Variants in PITPNM3 observed in about 807,000 individuals in gnomAD.
PITPNM3 encodes PITPNM family member 3.
Under a neutral mutation model 102.0 loss-of-function variants are expected in PITPNM3, and 26 were observed. The observed-to-expected ratio is 0.25, with a 90% CI of 0.19 to 0.35. The LOEUF (loss-of-function observed/expected upper bound fraction) is 0.35, where lower values mean the gene tolerates loss of function less well. Among genes scored for constraint, PITPNM3 ranks in the 10% least tolerant of loss-of-function variants. The pLI, the probability that PITPNM3 is intolerant of heterozygous loss-of-function variation, is 1.00. For synonymous variants in PITPNM3, 578 were observed against 558.6 expected, an observed-to-expected ratio of 1.03 and a Z score of -0.49; for missense variants, 1,083 against 1,346.1, an observed-to-expected ratio of 0.80 and a Z score of 3.06.
rs765391358 is a variant in PITPNM3 at position 6,483,710 on chromosome 17, G to T, written c.394C>A (p.Leu132Met). The change falls in exon 6 of 20, where the codon CTG (leucine) becomes ATG (methionine). Residue 132 changes from leucine (L) to methionine (M), a missense_variant. Leu to Met is a conservative substitution (Grantham distance 15). Around this residue, in one of 5 missense-constraint regions of PITPNM3, gnomAD observed 290 missense variants for 337.8 expected, o/e 0.86. Transcript: ENST00000262483. ...AGGATGTTTCCCCCATGCAGGACCA[G>T]CAGGAGGACATGTGTCTTGCAGGAG... ...QRSCKTHVLL[L>M]VLHGGNILDT... 83 of 1,614,026 alleles carry T rather than the reference G, an allele frequency of 5.1e-5. 2 individuals carry two copies. In the South Asian group the frequency reaches 6.0e-4, roughly 12 times the overall value.
At chr17:6,503,478 C>T (rs1428667541) in intron 4 of PITPNM3, 49 bp downstream of exon 4, 1 of 1,591,552 alleles carries the variant, frequency 6.3e-7, no homozygotes, top group Non-Finnish European at 8.6e-7. Flanking sequence ...AATGAGCTTG[C>T]ACCCATCCAA....
intron 3 of PITPNM3, among the ~76,000 whole-genome samples, chr17:6,514,948 G>A (rs1356902765): frequency 2.6e-5 from 4 of 152,136 alleles, no homozygotes; most frequent in Non-Finnish European, 2.9e-5. Context: ...ATGCTACAAC[G>A]TGGATGAATC....
At chr17:6,487,935 G>T (rs150537119) in intron 4 of PITPNM3, among the ~76,000 whole-genome samples, 1 of 152,278 alleles carries the variant, frequency 6.6e-6, no homozygotes, top group East Asian at 1.9e-4. Context: ...CACCTCCTAC[G>T]CTGTTTGGGG....
rs1299001699 is a variant in PITPNM3 at position 6,464,781 on chromosome 17, C to T, written c.1891-10G>A. On this transcript the variant is annotated splice_polypyrimidine_tract_variant and intron_variant, in intron 14 of 19. Transcript: ENST00000262483. ...GATTAGCCGTGACATTCTGGAAGGA[C>T]AGAAAGAAGCTGGCTCAGCCCTTGC... is the stretch of plus-strand genomic sequence containing the variant. 2 of 1,613,920 alleles carry T rather than the reference C, an allele frequency of 1.2e-6. No homozygotes were observed. The highest frequency in any genetic ancestry group is 1.7e-6 in the Non-Finnish European group (2 of 1,179,816).
chr17:6,479,027 C>G (rs1905501431), intron 6 of PITPNM3: 1 of 425,114 alleles, frequency 2.4e-6, no homozygotes, highest in South Asian at 4.1e-5. Context: ...CTGCATGGCC[C>G]CAAAGGGCAC....
At chr17:6,543,521 A>ACGCC (rs1212012065) in intron 1 of PITPNM3, among the ~76,000 whole-genome samples, 10 of 152,354 alleles carry the variant, frequency 6.6e-5, no homozygotes, top group African/African-American at 2.4e-4. Context: ...ACAGTGAGGA[A>ACGCC]CGCCCTGACC....
At chr17:6,477,930 C>A in intron 8 of PITPNM3, 45 bp downstream of exon 8, 1 of 1,606,522 alleles carries the variant, frequency 6.2e-7, no homozygotes, top group East Asian at 2.2e-5. Context: ...GCAGGCCCTG[C>A]TCCTATGGGC....
Position 6,472,716 on chromosome 17 carries a change from G to C in PITPNM3, c.1370C>G (p.Pro457Arg). The change falls in exon 11 of 20, where the codon CCT becomes CGT. Residue 457 changes from proline (P) to arginine (R), a missense_variant. Pro to Arg is a moderately radical substitution (Grantham distance 103, BLOSUM62 -2). Transcript: ENST00000262483. The surrounding 1 kb of genome is among the most constrained non-coding windows in gnomAD (Gnocchi z 4.1). The stretch of plus-strand genomic sequence containing the variant: ...CCTCTGGTAGCGAGGCACGCTGACA[G>C]GCGGCACCAGGTGGAACTTGGGCTC... ...LLEPKFHLVP[P>R]VSVPRYQRFP... 6.2e-7 allele frequency: 1 copy of C among 1,614,098 alleles called. No homozygotes were observed. Among genetic ancestry groups the C allele is most frequent in the Non-Finnish European group, 8.5e-7 (1 of 1,179,992 alleles).
intron 3 of PITPNM3, among the ~76,000 whole-genome samples, chr17:6,523,615 A>G (rs1908662138): frequency 6.6e-6 from 1 of 152,210 alleles, no homozygotes; most frequent in Non-Finnish European, 1.5e-5. Context: ...AATGGATGGT[A>G]CAAATCCATA....
chr17:6,535,226 G>T (rs1267930146), intron 2 of PITPNM3, among the ~76,000 whole-genome samples: 1 of 150,768 alleles, frequency 6.6e-6, no homozygotes, highest in Non-Finnish European at 1.5e-5. Flanking sequence ...GGTTCAGCCT[G>T]GGCTGGAGAG....
At chr17:6,501,130 C>G (rs942980991) in intron 4 of PITPNM3, among the ~76,000 whole-genome samples, 4 of 152,218 alleles carry the variant, frequency 2.6e-5, no homozygotes, top group African/African-American at 9.6e-5. Context: ...TGTGGTTTGG[C>G]ATCCCGGAGA....
chr17:6,537,101 C>G lies in PITPNM3; in HGVS notation c.118+886G>C, dbSNP rs187486387. Among the ~76,000 whole-genome samples, 46 of 152,200 alleles carry G rather than the reference C, an allele frequency of 3.0e-4. 2 individuals are homozygous for G. Among genetic ancestry groups the G allele is most frequent in the African/African-American group, 1.1e-3 (45 of 41,518 alleles). ...GGATGCCCCTTTCTTTCAATCCCAACGTCAACAATGCTCCTTCCTATGTCT... is the reference window on the plus strand; with the variant it reads ...GGATGCCCCTTTCTTTCAATCCCAAGGTCAACAATGCTCCTTCCTATGTCT... On this transcript the variant is annotated intron_variant, in intron 2 of 19. Transcript: ENST00000262483. The surrounding 1 kb of genome is among the most constrained non-coding windows in gnomAD (Gnocchi z 4.4).
chr17:6,528,496 G>A (rs979139230), intron 2 of PITPNM3, among the ~76,000 whole-genome samples: 4 of 150,370 alleles, frequency 2.7e-5, no homozygotes, highest in African/African-American at 1.0e-4. Flanking sequence ...GTGCATGCAT[G>A]TGTGAGTGCA....
At chr17:6,549,147 C>A (rs1337078522) in intron 1 of PITPNM3, among the ~76,000 whole-genome samples, 1 of 152,228 alleles carries the variant, frequency 6.6e-6, no homozygotes, top group South Asian at 2.1e-4. Flanking sequence ...CTAGAGAGAG[C>A]AGCTTCACAA....
intron 1 of PITPNM3, among the ~76,000 whole-genome samples, chr17:6,541,635 G>C (rs1321440365): frequency 6.6e-6 from 1 of 152,134 alleles, no homozygotes; most frequent in Non-Finnish European, 1.5e-5. Context: ...AAGAGTGTCA[G>C]AAAGTCTCCT....
At chr17:6,516,665 C>CA (rs1257260061) in intron 3 of PITPNM3, among the ~76,000 whole-genome samples, 1 of 151,440 alleles carries the variant, frequency 6.6e-6, no homozygotes, top group Non-Finnish European at 1.5e-5. Context: ...GCATGACCAA[C>CA]AAACACCTCC....
chr17:6,553,379 G>A (rs1043224190), intron 1 of PITPNM3, among the ~76,000 whole-genome samples: 14 of 152,060 alleles, frequency 9.2e-5, no homozygotes, highest in African/African-American at 3.4e-4. Context: ...TCCTCTCTGG[G>A]CCCCGATAAC....
rs1905449485 is a variant in PITPNM3 at position 6,478,435 on chromosome 17, G to C, written c.777+112C>G. ...ATCTCAAAAGCCACCTTTGGGCTCA[G>C]AGGCTGATTCGAGAACAGCCTGGCC... On this transcript the variant is annotated intron_variant, in intron 7 of 19. Coordinates refer to ENST00000262483, the MANE Select transcript of PITPNM3 (RefSeq NM_031220.4). The surrounding 1 kb of genome is among the most constrained non-coding windows in gnomAD (Gnocchi z 4.4). 1.5e-6 allele frequency: 2 copies of C among 1,368,260 alleles called. No individual in the cohort carries two copies. Among genetic ancestry groups the C allele is most frequent in the East Asian group, 4.8e-5 (2 of 41,538 alleles). The allele number at this position is 1,368,260 out of a possible 1,614,324, so 84.8% of individuals were successfully genotyped here.
Position 6,470,690 on chromosome 17 carries a change from C to G in PITPNM3, c.1625-282G>C, listed in dbSNP as rs1399220518. ...CACAGTCTCACCCAGGGCCGCCGCT[C>G]AGTGGCAGTTCCCAGTGGGCTCTGC... On this transcript the variant is annotated intron_variant, in intron 12 of 19. Transcript: ENST00000262483. This position sits in a 1 kb window ranked among gnomAD's most constrained non-coding sequence, Gnocchi z 4.8. 6.6e-6 allele frequency among the ~76,000 whole-genome samples: 1 copy of G among 152,228 alleles called. No homozygotes were observed. Among genetic ancestry groups the G allele is most frequent in the Admixed American group, 6.5e-5 (1 of 15,286 alleles).
Sources: allele counts gnomAD v4.1 joint callset (sites outside exome capture counted in the v4.1 genomes callset), GRCh38; gene constraint gnomAD v4.1.1; regional missense constraint gnomAD v4.1.1; non-coding constraint Gnocchi (gnomAD v3.1); transcripts MANE v1.5; gene names NCBI Gene and HGNC (gene_info 2026-07-23, HGNC 2026-07-21).